The following CCNY variants were observed in gnomAD, a reference collection of about 807,000 sequenced individuals.
CCNY encodes cyclin-Y.
In CCNY, 19 loss-of-function variants were observed where a neutral mutation model predicts 42.8. The ratio of observed to expected loss-of-function variants is 0.44; its 90% confidence interval spans 0.31 to 0.65. The LOEUF is 0.65. CCNY is among the 30% of genes least tolerant of loss of function. The pLI is 0.07. For synonymous variants in CCNY, 165 were observed against 162.7 expected (o/e 1.01, Z -0.11); for missense variants, 370 against 437.3 (o/e 0.85, Z 1.37).
chr10:35,389,568 T>C (rs1000551156), intron 1 of CCNY, among the ~76,000 whole-genome samples: 9 of 151,820 alleles, frequency 5.9e-5, no homozygotes, highest in Admixed American at 5.9e-4. Context: ...GCCTCCCAAG[T>C]AGCTGGGATT....
At chr10:35,441,475 A>G (rs1838666596) in intron 1 of CCNY, among the ~76,000 whole-genome samples, 1 of 152,172 alleles carries the variant, frequency 6.6e-6, no homozygotes. Context: ...CAATGGAAAA[A>G]GCGGTAGGAG....
chr10:35,469,564 AGAGATGGACAGACAGG>A (rs922444490), intron 1 of CCNY, among the ~76,000 whole-genome samples: 6 of 138,542 alleles, frequency 4.3e-5, no homozygotes, highest in Non-Finnish European at 8.9e-5. Context: ...CGGGAGATGG[AGAGATGGACAGACAGG>A]GAGATGGAGA....
At chr10:35,524,623 A>AT (rs1232086259) in intron 4 of CCNY, among the ~76,000 whole-genome samples, 1 of 152,150 alleles carries the variant, frequency 6.6e-6, no homozygotes, top group African/African-American at 2.4e-5. Context: ...CTTAAAAATA[A>AT]TTTTTTTGGC....
intron 8 of CCNY, among the ~76,000 whole-genome samples, chr10:35,559,764 A>G (rs1210559963): frequency 2.6e-5 from 4 of 152,180 alleles, no homozygotes; most frequent in Non-Finnish European, 5.9e-5. Context: ...TGATCCTGAG[A>G]TGGTACCGAG....
intron 7 of CCNY, among the ~76,000 whole-genome samples, chr10:35,534,124 C>T (rs1287570308): frequency 2.6e-5 from 4 of 151,864 alleles, no homozygotes; most frequent in Non-Finnish European, 2.9e-5. Context: ...CAGTTTCAAA[C>T]GATTCTCCTG....
intron 1 of CCNY, among the ~76,000 whole-genome samples, chr10:35,420,073 T>C (rs774909748): frequency 6.6e-6 from 1 of 152,142 alleles, no homozygotes; most frequent in Non-Finnish European, 1.5e-5. Flanking sequence ...TTAGGTCCTA[T>C]GTCTGTGCTT....
chr10:35,382,322 CTG>C (rs1168987550), intron 1 of CCNY, among the ~76,000 whole-genome samples: 2 of 152,182 alleles, frequency 1.3e-5, no homozygotes, highest in Non-Finnish European at 2.9e-5. Flanking sequence ...TGCTGACAGA[CTG>C]TGTGTGCGAC....
chr10:35,404,775 C>T (rs572879583), intron 1 of CCNY, among the ~76,000 whole-genome samples: 3 of 152,160 alleles, frequency 2.0e-5, no homozygotes, highest in Admixed American at 6.5e-5. Context: ...GCAGGGAGAA[C>T]ACGTATGTTT....
At chr10:35,496,366 C>A (rs1416541011) in intron 2 of CCNY, among the ~76,000 whole-genome samples, 1 of 152,260 alleles carries the variant, frequency 6.6e-6, no homozygotes, top group Non-Finnish European at 1.5e-5. Context: ...GGGTCCTACA[C>A]GCGGTCTCCT....
intron 3 of CCNY, among the ~76,000 whole-genome samples, chr10:35,278,081 C>T (rs764593218): frequency 2.6e-5 from 4 of 151,954 alleles, no homozygotes; most frequent in Non-Finnish European, 5.9e-5. Flanking sequence ...AAGTCTTTGG[C>T]AGGAGTGTCA....
chr10:35,276,688 G>GAGCC lies in CCNY; in HGVS notation c.-9+26063_-9+26066dup, dbSNP rs533493472. Among the ~76,000 whole-genome samples the GAGCC allele has an allele frequency of 3.3e-4, 50 of 152,266 alleles. No individual in the cohort carries two copies. The East Asian group carries it at 7.2e-3, about 22-fold the overall frequency. On this transcript the variant is annotated intron_variant, in intron 3 of 11. Coordinates refer to the CCNY transcript ENST00000374706. ...GGCACGAGCCACTGTGCCTGGCAGG[G>GAGCC]AGCCCAGTTGTGAACAGTATCCCCT... is the stretch of plus-strand genomic sequence containing the variant.
intron 3 of CCNY, among the ~76,000 whole-genome samples, chr10:35,330,028 T>A (rs1835924551): frequency 1.3e-5 from 2 of 152,222 alleles, no homozygotes; most frequent in Non-Finnish European, 2.9e-5. Flanking sequence ...ACTCATCAAC[T>A]ATCCCTGTTT....
At chr10:35,498,758 A>C (rs917459993) in intron 2 of CCNY, among the ~76,000 whole-genome samples, 1 of 152,212 alleles carries the variant, frequency 6.6e-6, no homozygotes, top group South Asian at 2.1e-4. Context: ...AAATCTTCTC[A>C]GAAACTGTGC....
chr10:35,496,170 T>C (rs941538945), intron 2 of CCNY, among the ~76,000 whole-genome samples: 9 of 152,256 alleles, frequency 5.9e-5, no homozygotes, highest in Admixed American at 3.9e-4. Context: ...TTGTGTGGCC[T>C]GCCAGTCCTT....
At chr10:35,341,647 T>A (rs1173287286) in intron 1 of CCNY, among the ~76,000 whole-genome samples, 6 of 151,018 alleles carry the variant, frequency 4.0e-5, no homozygotes, top group Non-Finnish European at 8.8e-5. Context: ...CATCATCGCG[T>A]ATGTTTATTG....
intron 1 of CCNY, among the ~76,000 whole-genome samples, chr10:35,413,016 T>C (rs554029846): frequency 6.6e-6 from 1 of 152,154 alleles, no homozygotes; most frequent in African/African-American, 2.4e-5. Flanking sequence ...GTATCTCCAG[T>C]GTCCAGAACA....
intron 7 of CCNY, among the ~76,000 whole-genome samples, chr10:35,535,059 T>C (rs1162686052): frequency 6.7e-6 from 1 of 149,266 alleles, no homozygotes; most frequent in Non-Finnish European, 1.5e-5. Flanking sequence ...ATATATATGC[T>C]GCAGCCCTAA....
At chr10:35,565,591 G>A (rs1196587909) in intron 8 of CCNY, among the ~76,000 whole-genome samples, 1 of 152,180 alleles carries the variant, frequency 6.6e-6, no homozygotes, top group Non-Finnish European at 1.5e-5. Flanking sequence ...GTAGGGAGGG[G>A]CCACCGAGGA....
intron 1 of CCNY, among the ~76,000 whole-genome samples, chr10:35,372,665 C>G (rs1470155053): frequency 6.6e-6 from 1 of 152,184 alleles, no homozygotes; most frequent in Non-Finnish European, 1.5e-5. Flanking sequence ...TGTCAGTTAA[C>G]TGTGTATCCC....
Sources: gnomAD v4.1 joint callset for allele counts (sites outside exome capture counted in the v4.1 genomes callset) on GRCh38, gnomAD v4.1.1 for gene constraint, MANE v1.5 for transcripts, NCBI Gene and HGNC (gene_info 2026-07-23, HGNC 2026-07-21) for gene names.